TMEM132D: variants seen among roughly 807,000 people sequenced by gnomAD.
TMEM132D encodes transmembrane protein 132D, also known as mature OL transmembrane protein.
A neutral mutation model predicts 62.3 loss-of-function variants in TMEM132D; 21 were observed. The ratio of observed to expected loss-of-function variants is 0.34; its 90% CI spans 0.24 to 0.49. The LOEUF (loss-of-function observed/expected upper bound fraction) is 0.49, where lower values mean the gene tolerates loss of function less well. TMEM132D is among the 20% of genes least tolerant of loss of function. The pLI is 0.99. For synonymous variants in TMEM132D, 621 were observed against 575.6 expected, an observed-to-expected ratio of 1.08 and a Z score of -1.13; for missense variants, 1,346 against 1,402.8, an observed-to-expected ratio of 0.96 and a Z score of 0.65.
intron 1 of TMEM132D, among the ~76,000 whole-genome samples, chr12:129,823,500 G>A (rs1002898095): frequency 1.3e-5 from 2 of 152,256 alleles, no homozygotes; most frequent in African/African-American, 4.8e-5. Context: ...GACCAGCCAA[G>A]GGCCAGCCTT....
At chr12:129,155,795 C>G (rs998259449) in intron 5 of TMEM132D, among the ~76,000 whole-genome samples, 1 of 152,136 alleles carries the variant, frequency 6.6e-6, no homozygotes, top group Non-Finnish European at 1.5e-5. Flanking sequence ...TATGATAACC[C>G]ACTCCACAAA....
intron 5 of TMEM132D, among the ~76,000 whole-genome samples, chr12:129,171,034 T>C (rs1255793851): frequency 1.3e-5 from 2 of 152,192 alleles, no homozygotes; most frequent in Non-Finnish European, 2.9e-5. Context: ...CTCTGTAGCA[T>C]GCGATGCTGT....
intron 4 of TMEM132D, among the ~76,000 whole-genome samples, chr12:129,225,707 G>A (rs1328440752): frequency 6.6e-6 from 1 of 152,174 alleles, no homozygotes; most frequent in Non-Finnish European, 1.5e-5. Context: ...CCTAACATAT[G>A]CAATGACTTA....
chr12:129,721,706 T>C (rs940327910), intron 1 of TMEM132D, among the ~76,000 whole-genome samples: 2 of 152,214 alleles, frequency 1.3e-5, no homozygotes, highest in Non-Finnish European at 1.5e-5. Context: ...GCAGAAGCTC[T>C]GCCCCATGTG....
At chr12:129,466,872 A>T (rs1482968782) in intron 3 of TMEM132D, among the ~76,000 whole-genome samples, 1 of 152,160 alleles carries the variant, frequency 6.6e-6, no homozygotes, top group East Asian at 1.9e-4. Context: ...CATCTCCAGG[A>T]AGACTATGCA....
At chr12:129,128,801 T>G (rs1450618283) in intron 5 of TMEM132D, among the ~76,000 whole-genome samples, 1 of 152,248 alleles carries the variant, frequency 6.6e-6, no homozygotes, top group East Asian at 1.9e-4. Context: ...CATTTTTATG[T>G]TCATGTGTGC....
At chr12:129,670,828 T>C (rs1374492567) in intron 2 of TMEM132D, among the ~76,000 whole-genome samples, 1 of 152,198 alleles carries the variant, frequency 6.6e-6, no homozygotes, top group Non-Finnish European at 1.5e-5. Flanking sequence ...TCTGAAACAA[T>C]GGCTCTAAAG....
intron 5 of TMEM132D, among the ~76,000 whole-genome samples, chr12:129,173,632 T>A (rs1024396778): frequency 6.6e-6 from 1 of 152,354 alleles, no homozygotes; most frequent in Admixed American, 6.5e-5. Flanking sequence ...TCTAGCACCT[T>A]CTCCTTCCTG....
At chr12:129,853,888 C>G (rs1325060369) in intron 1 of TMEM132D, 1 of 152,232 alleles carries the variant, frequency 6.6e-6, no homozygotes, top group Non-Finnish European at 1.5e-5. Flanking sequence ...TCCATCCCCC[C>G]ACAGGCAACA....
rs1011136814 is a variant in TMEM132D, at chr12:129,827,591, G to A, written c.79+75670C>T. On this transcript the variant is annotated intron_variant, in intron 1 of 8. Coordinates refer to ENST00000422113, the MANE Select transcript of TMEM132D (RefSeq NM_133448.3). The surrounding 1 kb of genome is among the most constrained non-coding windows in gnomAD (Gnocchi z 9.7). ...CTGGAACCCACGTTCTGAGCCTGCG[G>A]TGTTTCCTGCTGTGGCAGTTCACTA... Among the ~76,000 whole-genome samples the A allele has an allele frequency of 3.9e-5, 6 of 152,316 alleles. No individual in the cohort carries two copies. The South Asian group carries it at 1.2e-3, about 32-fold the overall frequency.
At chr12:129,712,980 T>G (rs984431333) in intron 1 of TMEM132D, among the ~76,000 whole-genome samples, 6 of 152,010 alleles carry the variant, frequency 3.9e-5, no homozygotes, top group Non-Finnish European at 1.5e-5. Flanking sequence ...AGAGAAGGAA[T>G]TTCTACTCCG....
intron 5 of TMEM132D, among the ~76,000 whole-genome samples, chr12:129,089,711 C>T (rs74651633): frequency 0.04 from 6,098 of 152,314 alleles, 257 homozygotes; most frequent in African/African-American, 0.1. Flanking sequence ...AGGCTGAACG[C>T]GCTTCCTGCT....
chr12:129,410,931 T>C (rs1871950573), intron 3 of TMEM132D, among the ~76,000 whole-genome samples: 1 of 152,196 alleles, frequency 6.6e-6, no homozygotes, highest in Middle Eastern at 3.2e-3. Context: ...TTTAAGGGTA[T>C]TTTATTAGTT....
At chr12:129,743,430 A>G (rs906983923) in intron 1 of TMEM132D, among the ~76,000 whole-genome samples, 1 of 152,144 alleles carries the variant, frequency 6.6e-6, no homozygotes, top group Non-Finnish European at 1.5e-5. Context: ...CCTTTTACTC[A>G]GCACTTCTCC....
intron 3 of TMEM132D, among the ~76,000 whole-genome samples, chr12:129,457,457 GA>G (rs1337777930): frequency 2.1e-5 from 3 of 141,104 alleles, no homozygotes; most frequent in African/African-American, 5.2e-5. Flanking sequence ...GGGGGGAGGG[GA>G]GAGGGATGGC....
At chr12:129,253,486 C>T (rs763460098) in intron 4 of TMEM132D, among the ~76,000 whole-genome samples, 6 of 152,058 alleles carry the variant, frequency 3.9e-5, no homozygotes, top group African/African-American at 1.2e-4. Context: ...TAGAAAATAG[C>T]GTCTTAGAAA....
chr12:129,835,744 C>T (rs1373353893), intron 1 of TMEM132D, among the ~76,000 whole-genome samples: 7 of 152,208 alleles, frequency 4.6e-5, no homozygotes, highest in Non-Finnish European at 4.4e-5. Flanking sequence ...ACTCACGCGC[C>T]TTCCCATATT....
chr12:129,823,015 C>T (rs1249759344), intron 1 of TMEM132D, among the ~76,000 whole-genome samples: 1 of 152,154 alleles, frequency 6.6e-6, no homozygotes, highest in Non-Finnish European at 1.5e-5. Flanking sequence ...TGGTTTAGTA[C>T]CATCCACTTA....
intron 2 of TMEM132D, among the ~76,000 whole-genome samples, chr12:129,559,809 G>A (rs1490639560): frequency 6.6e-6 from 1 of 152,004 alleles, no homozygotes; most frequent in African/African-American, 2.4e-5. Context: ...AATATTTATC[G>A]ATGTAAAAAT....
Sources: gnomAD v4.1 joint callset for allele counts (sites outside exome capture counted in the v4.1 genomes callset) on GRCh38, gnomAD v4.1.1 for gene constraint, Gnocchi (gnomAD v3.1) non-coding constraint, MANE v1.5 for transcripts, NCBI Gene and HGNC (gene_info 2026-07-23, HGNC 2026-07-21) for gene names.